The following COL2A1 variants were observed in gnomAD, a reference collection of about 807,000 sequenced individuals.
COL2A1 encodes the protein collagen type II alpha 1 chain, also known as collagen alpha-1(II) chain.
Under a neutral mutation model 204.5 loss-of-function variants are expected in COL2A1, and 28 were observed. The ratio of observed to expected loss-of-function variants is 0.14; its 90% CI spans 0.10 to 0.19. The LOEUF (loss-of-function observed/expected upper bound fraction) is 0.19, where lower values mean the gene tolerates loss of function less well. Among genes scored for constraint, COL2A1 ranks in the 10% least tolerant of loss-of-function variants. The pLI is 1.00. For synonymous variants in COL2A1, 708 were observed against 718.7 expected (o/e 0.99, Z 0.24); for missense variants, 1,388 against 2,027.5 (o/e 0.68, Z 6.06).
At chr12:48,003,743 C>A (rs1592243407) in intron 1 of COL2A1, among the ~76,000 whole-genome samples, 1 of 152,164 alleles carries the variant, frequency 6.6e-6, no homozygotes, top group East Asian at 1.9e-4. Flanking sequence ...TTGAGCCCAC[C>A]AGCCACCAAG....
At chr12:47,991,528 A>G (rs1360790708) in intron 16 of COL2A1, among the ~76,000 whole-genome samples, 1 of 152,192 alleles carries the variant, frequency 6.6e-6, no homozygotes, top group Non-Finnish European at 1.5e-5. Context: ...CTCGCAGAGC[A>G]GACTCCAGAG....
rs566528045 is a variant in COL2A1 at position 47,975,978 on chromosome 12, G to A, written c.3582C>T (p.Gly1194=). Residue 1194 remains glycine (G), a synonymous_variant, in exon 50 of 54, where the codon GGC becomes GGT. Transcript: ENST00000380518. The part of the protein sequence containing the change: ...IGPPGPRGRS[G]ETGPAGPPGN... ...GGACACTTACAGCAGGGCCGGTTTCGCCTGATCGTCCACGGGGACCAGGAG... is the reference window on the plus strand; with the variant it reads ...GGACACTTACAGCAGGGCCGGTTTCACCTGATCGTCCACGGGGACCAGGAG... 1.5e-5 allele frequency: 24 copies of A among 1,613,374 alleles called. No homozygotes were observed. The highest frequency in any genetic ancestry group is 1.7e-4 in the Middle Eastern group (1 of 6,056).
intron 13 of COL2A1, 49 bp downstream of exon 13, chr12:47,993,945 C>G (rs1939827111): frequency 6.2e-7 from 1 of 1,613,000 alleles, no homozygotes; most frequent in Non-Finnish European, 8.5e-7. Context: ...GTGCTTTTCT[C>G]TCCCACCAGG....
rs1282280270 is a variant in COL2A1, at chr12:47,978,121, G to T, written c.3004-4C>A. ...CACCCTGCTTGCCGGGCTCACCCTG[G>T]AGGGACAGAGACAAGGATGATGAGT... On this transcript the variant is annotated splice_region_variant and splice_polypyrimidine_tract_variant and intron_variant, in intron 43 of 53. Transcript: ENST00000380518. The surrounding 1 kb of genome is among the most constrained non-coding windows in gnomAD (Gnocchi z 5.5). 1 of 1,611,450 alleles carries T rather than the reference G, an allele frequency of 6.2e-7. No homozygotes were observed. The highest frequency in any genetic ancestry group is 1.7e-5 in the Admixed American group (1 of 59,704).
At position 47,980,368 on chromosome 12, in the gene COL2A1, C is replaced by G. The variant is rs553566248; in HGVS notation, c.2625+186G>C. 2.6e-5 allele frequency among the ~76,000 whole-genome samples: 4 copies of G among 152,266 alleles called. No homozygotes were observed. In the South Asian group the frequency reaches 8.3e-4, roughly 32 times the overall value. On this transcript the variant is annotated intron_variant, in intron 39 of 53. Transcript: ENST00000380518. This position sits in a 1 kb window ranked among gnomAD's most constrained non-coding sequence, Gnocchi z 4.5. ...CTTGGTTCTGGCTGGCTGTGGCCAG[C>G]CTGTACTCTGTCAGTCCCTACACCC...
chr12:47,999,784 T>C, intron 2 of COL2A1, 135 bp downstream of exon 2: 1 of 761,188 alleles, frequency 1.3e-6, no homozygotes, highest in Non-Finnish European at 2.2e-6. Context: ...TGGCCTTTCC[T>C]TTCTACCCCA....
chr12:47,995,202 C>G, intron 11 of COL2A1, 53 bp downstream of exon 11: 1 of 1,513,664 alleles, frequency 6.6e-7, no homozygotes, highest in South Asian at 1.1e-5. Flanking sequence ...CACACCCTCT[C>G]CAGGCCCTTT....
chr12:47,997,756 G>C (rs1565695240), intron 6 of COL2A1, 49 bp from the exon 7 acceptor site: 2 of 1,613,502 alleles, frequency 1.2e-6, no homozygotes, highest in East Asian at 2.2e-5. Flanking sequence ...GTTTCTCCAA[G>C]AGCCATCTGT....
At position 47,975,341 on chromosome 12, in the gene COL2A1, G is replaced by T; in HGVS notation, c.3862C>A (p.Leu1288Ile). The T allele has an allele frequency of 6.2e-7, 1 of 1,614,146 alleles. No individual in the cohort carries two copies. Among genetic ancestry groups the T allele is most frequent in the Non-Finnish European group, 8.5e-7 (1 of 1,180,036 alleles). ...CCACTCTTCCACTCAGGGTGGCAGA[G>T]TTTCAGGTCTCTGCAGGTGCGAGCA... ...NPARTCRDLK[L>I]CHPEWKSGDY... is the part of the protein sequence containing the mutation. The change falls in exon 51 of 54, where the codon CTC (leucine) becomes ATC (isoleucine). Residue 1288 changes from leucine (L) to isoleucine (I), a missense_variant. Leu to Ile is a conservative substitution (Grantham distance 5). Transcript: ENST00000380518.
Position 47,982,489 on chromosome 12 carries a change from C to A in COL2A1, c.2301+13G>T. On this transcript the variant is annotated intron_variant, in intron 34 of 53. Transcript: ENST00000380518. Reference sequence around the variant, plus strand: ...CCACAGCTTTGGTGAGAGGCTGTAACCTCAGTACTTACCCTGTCGCCTTTG... The same window carrying A: ...CCACAGCTTTGGTGAGAGGCTGTAAACTCAGTACTTACCCTGTCGCCTTTG... 1.9e-6 allele frequency: 3 copies of A among 1,604,474 alleles called. No homozygotes were observed. The South Asian group carries it at 3.3e-5, about 18-fold the overall frequency.
At position 47,986,898 on chromosome 12, in the gene COL2A1, A is replaced by T; in HGVS notation, c.1366-10T>A. 6.2e-7 allele frequency: 1 copy of T among 1,614,162 alleles called. No homozygotes were observed. The highest frequency in any genetic ancestry group is 8.5e-7 in the Non-Finnish European group (1 of 1,180,024). On this transcript the variant is annotated splice_polypyrimidine_tract_variant and intron_variant, in intron 21 of 53. Transcript: ENST00000380518. ...CAATACCAGGTTCACCCTTGAAAAG[A>T]GAGGCAGGTCCTCACACCAGATTCT...
chr12:48,004,353 C>A lies in COL2A1; in HGVS notation c.-32G>T. 7.1e-7 allele frequency: 1 copy of A among 1,410,056 alleles called. No individual in the cohort carries two copies. The highest frequency in any genetic ancestry group is 9.8e-7 in the Non-Finnish European group (1 of 1,021,994). 87.3% of individuals were successfully genotyped at this position (1,410,056 alleles called of 1,614,324 possible). On this transcript the variant is annotated 5_prime_UTR_variant, in exon 1 of 54. Transcript: ENST00000380518. ...CCGCGGGGCCTGGCTGAGCCGGGCCCGGGCGGAGCGCAGCGAAACGGCAGG... is the reference window on the plus strand; with the variant it reads ...CCGCGGGGCCTGGCTGAGCCGGGCCAGGGCGGAGCGCAGCGAAACGGCAGG...
chr12:47,984,552 A>C lies in COL2A1; in HGVS notation c.1881T>G (p.Gly627=), dbSNP rs1460335498. The C allele has an allele frequency of 6.2e-7, 1 of 1,614,094 alleles. No individual in the cohort carries two copies. Among genetic ancestry groups the C allele is most frequent in the Non-Finnish European group, 8.5e-7 (1 of 1,179,996 alleles). Residue 627 remains glycine, a synonymous_variant, in exon 28 of 54, where the codon GGT becomes GGG. Coordinates refer to ENST00000380518, the MANE Select transcript of COL2A1 (RefSeq NM_001844.5). ...AGEKGLPGAP[G]LRGLPGKDGE... is the part of the protein sequence containing the mutation. ...AGCGGGGAAGGATACTTACCCTCAG[A>C]CCAGGAGCACCAGGCAGTCCCTTCT... is the stretch of plus-strand genomic sequence containing the variant.
chr12:47,974,640 TC>T, intron 52 of COL2A1, 34 bp downstream of exon 52: 1 of 1,602,210 alleles, frequency 6.2e-7, no homozygotes, highest in Non-Finnish European at 8.6e-7. Context: ...TGAGGAGCCA[TC>T]TCTGCTCATC....
chr12:47,986,967 C>G (rs41317919), intron 21 of COL2A1, 79 bp from the exon 22 acceptor site: 1 of 1,598,824 alleles, frequency 6.3e-7, no homozygotes, highest in East Asian at 2.2e-5. Flanking sequence ...TTCAAGATGC[C>G]CTCGGATGGA....
In COL2A1 at chr12:47,980,617, G is replaced by A. The variant is rs368779265; in HGVS notation, c.2562C>T (p.Ala854=). Residue 854 remains alanine, a synonymous_variant, in exon 39 of 54, where the codon GCC becomes GCT. Coordinates refer to ENST00000380518, the MANE Select transcript of COL2A1 (RefSeq NM_001844.5). The surrounding 1 kb of genome is among the most constrained non-coding windows in gnomAD (Gnocchi z 4.5). ...QPGAKGEQGE[A]GQKGDAGAPG... is the part of the protein sequence containing the mutation. ...GGGCACCAGCATCGCCTTTCTGGCCGGCCTCTCCTTGCTCACCCTTGGCCC... is the reference window on the plus strand; with the variant it reads ...GGGCACCAGCATCGCCTTTCTGGCCAGCCTCTCCTTGCTCACCCTTGGCCC... 2.7e-5 allele frequency: 43 copies of A among 1,612,866 alleles called. No homozygotes were observed. The highest frequency in any genetic ancestry group is 1.2e-4 in the African/African-American group (9 of 75,018).
In COL2A1 at chr12:47,985,719, G is replaced by A; in HGVS notation, c.1680+9C>T. ...TGAAGCCAAGGGCAACAGCAGCTCTGCTACTTACCCGGGCTCCAGGAAGGC... is the reference window on the plus strand; with the variant it reads ...TGAAGCCAAGGGCAACAGCAGCTCTACTACTTACCCGGGCTCCAGGAAGGC... On this transcript the variant is annotated intron_variant, in intron 25 of 53. Coordinates refer to ENST00000380518, the MANE Select transcript of COL2A1 (RefSeq NM_001844.5). 8.7e-6 allele frequency: 14 copies of A among 1,613,674 alleles called. No homozygotes were observed. The highest frequency in any genetic ancestry group is 1.2e-5 in the Non-Finnish European group (14 of 1,179,706).
At chr12:48,004,527 C>G, upstream of COL2A1, 1 of 501,936 alleles carries the variant, frequency 2.0e-6, no homozygotes, top group South Asian at 2.5e-5. Context: ...CCTTTCGAGG[C>G]TGGCGAACTC....
intron 36 of COL2A1, 73 bp from the exon 37 acceptor site, chr12:47,981,469 T>G (rs1012352923): frequency 1.5e-6 from 2 of 1,363,908 alleles, no homozygotes; most frequent in Admixed American, 3.9e-5. Flanking sequence ...CAAAGTGCAT[T>G]TGGGGGGCCT....
Sources: gnomAD v4.1 joint callset for allele counts (sites outside exome capture counted in the v4.1 genomes callset) on GRCh38, gnomAD v4.1.1 for gene constraint, Gnocchi (gnomAD v3.1) non-coding constraint, MANE v1.5 for transcripts, NCBI Gene and HGNC (gene_info 2026-07-23, HGNC 2026-07-21) for gene names.